Variants in CPNE4 observed in about 807,000 individuals in gnomAD.
CPNE4 encodes the protein copine 4, also known as copine-4.
A neutral mutation model predicts 67.9 loss-of-function variants in CPNE4; 25 were observed. The ratio of observed to expected loss-of-function variants is 0.37; its 90% confidence interval spans 0.27 to 0.51. CPNE4 has a LOEUF of 0.51. Among genes scored for constraint, CPNE4 ranks in the 20% least tolerant of loss-of-function variants. The pLI, the probability that CPNE4 is intolerant of heterozygous loss-of-function variation, is 0.93. For synonymous variants in CPNE4, 242 were observed against 244.9 expected, an observed-to-expected ratio of 0.99 and a Z score of 0.11; for missense variants, 464 against 690.8, an observed-to-expected ratio of 0.67 and a Z score of 3.68.
At chr3:131,762,543 C>T (rs1422001540) in intron 2 of CPNE4, among the ~76,000 whole-genome samples, 1 of 151,946 alleles carries the variant, frequency 6.6e-6, no homozygotes, top group Non-Finnish European at 1.5e-5. Flanking sequence ...ATATCATTCT[C>T]ATTGCTGAAG....
At chr3:131,657,236 C>T (rs2079994511) in intron 7 of CPNE4, among the ~76,000 whole-genome samples, 1 of 152,062 alleles carries the variant, frequency 6.6e-6, no homozygotes, top group Admixed American at 6.6e-5. Context: ...TGGTTTATTG[C>T]CCCTAAAGAC....
chr3:131,932,209 T>C (rs1051649648), intron 1 of CPNE4, among the ~76,000 whole-genome samples: 1 of 152,164 alleles, frequency 6.6e-6, no homozygotes, highest in Non-Finnish European at 1.5e-5. Context: ...TGCTGACAAT[T>C]TGAAAGGCCT....
chr3:131,864,819 T>G (rs1377197166), intron 2 of CPNE4, among the ~76,000 whole-genome samples: 4 of 152,060 alleles, frequency 2.6e-5, no homozygotes, highest in African/African-American at 9.7e-5. Context: ...TTTTTGCCCA[T>G]TCAGTAGGAT....
chr3:131,785,741 G>A (rs543496106), intron 2 of CPNE4, among the ~76,000 whole-genome samples: 1 of 150,990 alleles, frequency 6.6e-6, no homozygotes, highest in East Asian at 2.0e-4. Context: ...TTGTCTGTGA[G>A]ATCATCTTCA....
intron 7 of CPNE4, among the ~76,000 whole-genome samples, chr3:131,599,393 T>C (rs1939079119): frequency 6.6e-6 from 1 of 152,186 alleles, no homozygotes; most frequent in Non-Finnish European, 1.5e-5. Flanking sequence ...ACAACAACCC[T>C]CTGACATCAA....
chr3:131,829,577 T>C (rs556278281), intron 2 of CPNE4, among the ~76,000 whole-genome samples: 5 of 152,304 alleles, frequency 3.3e-5, no homozygotes, highest in East Asian at 1.9e-4. Context: ...TGATATTTCA[T>C]TGGTGCAATT....
At chr3:131,880,130 A>ATTTT (rs72056306) in intron 2 of CPNE4, among the ~76,000 whole-genome samples, 7 of 146,050 alleles carry the variant, frequency 4.8e-5, no homozygotes, top group African/African-American at 1.5e-4. Flanking sequence ...ATATATATAC[A>ATTTT]TATTTTTTTT....
chr3:131,870,787 A>T (rs2087166679), intron 2 of CPNE4, among the ~76,000 whole-genome samples: 1 of 152,162 alleles, frequency 6.6e-6, no homozygotes, highest in Non-Finnish European at 1.5e-5. Context: ...AATTCATTAG[A>T]CTCAGGATAG....
At chr3:131,703,912 A>C (rs2081359786) in intron 3 of CPNE4, among the ~76,000 whole-genome samples, 1 of 152,230 alleles carries the variant, frequency 6.6e-6, no homozygotes, top group Non-Finnish European at 1.5e-5. Flanking sequence ...TTTATTCCTT[A>C]AAAGGTAAAT....
chr3:131,917,061 A>G (rs2089206965), intron 1 of CPNE4, among the ~76,000 whole-genome samples: 1 of 152,130 alleles, frequency 6.6e-6, no homozygotes. Flanking sequence ...ACTTGTGGAG[A>G]CAGGATGAGA....
At chr3:131,993,176 A>G (rs1055030030) in intron 1 of CPNE4, among the ~76,000 whole-genome samples, 1 of 135,718 alleles carries the variant, frequency 7.4e-6, no homozygotes, top group African/African-American at 2.5e-5. Context: ...AGTTAGGTCC[A>G]TAAAAAATCG....
chr3:131,958,900 C>T (rs1287570694), intron 1 of CPNE4, among the ~76,000 whole-genome samples: 2 of 147,840 alleles, frequency 1.4e-5, no homozygotes, highest in East Asian at 2.0e-4. Flanking sequence ...CCTCGTGATT[C>T]GCCCGACTTG....
At chr3:131,965,037 C>T (rs1259276616) in intron 1 of CPNE4, among the ~76,000 whole-genome samples, 4 of 152,100 alleles carry the variant, frequency 2.6e-5, no homozygotes, top group Admixed American at 6.5e-5. Context: ...CTGCAGAAAC[C>T]CTACAAGCTG....
chr3:131,934,442 C>A, intron 1 of CPNE4, among the ~76,000 whole-genome samples: 1 of 152,124 alleles, frequency 6.6e-6, no homozygotes, highest in East Asian at 1.9e-4. Flanking sequence ...ACTTTAAGTT[C>A]TGTGATACAT....
intron 1 of CPNE4, among the ~76,000 whole-genome samples, chr3:132,025,314 G>T (rs936734027): frequency 6.6e-6 from 1 of 152,164 alleles, no homozygotes; most frequent in African/African-American, 2.4e-5. Context: ...TTGTATTCTG[G>T]TTGTGTTCCT....
intron 2 of CPNE4, among the ~76,000 whole-genome samples, chr3:131,745,078 A>C (rs967815256): frequency 6.6e-6 from 1 of 152,154 alleles, no homozygotes; most frequent in Non-Finnish European, 1.5e-5. Context: ...AGTTTCTCCA[A>C]ATCTCCAACA....
chr3:131,590,730 T>C (rs956946068), intron 7 of CPNE4, among the ~76,000 whole-genome samples: 1 of 152,046 alleles, frequency 6.6e-6, no homozygotes, highest in African/African-American at 2.4e-5. Flanking sequence ...ATGCAAAAAA[T>C]GTAGTAAAGT....
At chr3:131,818,704 G>C (rs2084842504) in intron 2 of CPNE4, among the ~76,000 whole-genome samples, 1 of 152,192 alleles carries the variant, frequency 6.6e-6, no homozygotes, top group Admixed American at 6.5e-5. Flanking sequence ...AAACCTGATT[G>C]AATCTTTGTG....
chr3:131,784,946 T>C (rs2083519121), intron 2 of CPNE4, among the ~76,000 whole-genome samples: 1 of 152,110 alleles, frequency 6.6e-6, no homozygotes, highest in Non-Finnish European at 1.5e-5. Flanking sequence ...AGAAAGAACT[T>C]GGGATTTAGA....
Sources: gnomAD v4.1 joint callset for allele counts (sites outside exome capture counted in the v4.1 genomes callset) on GRCh38, gnomAD v4.1.1 for gene constraint, MANE v1.5 for transcripts, NCBI Gene and HGNC (gene_info 2026-07-23, HGNC 2026-07-21) for gene names.